The following CDC42BPB variants were observed in gnomAD, a reference collection of about 807,000 sequenced individuals.
CDC42BPB encodes the protein serine/threonine-protein kinase MRCK beta.
In CDC42BPB, 37 loss-of-function variants were observed where a neutral mutation model predicts 214.9. The observed-to-expected ratio is 0.17, with a 90% CI of 0.13 to 0.23. CDC42BPB has a LOEUF of 0.23. Among genes scored for constraint, CDC42BPB ranks in the 10% least tolerant of loss-of-function variants. The probability of loss-of-function intolerance (pLI) is 1.00; values close to 1 mark genes in which losing one functional copy is unlikely to be tolerated. For missense variants in CDC42BPB, 1,694 were observed against 2,227.0 expected, an observed-to-expected ratio of 0.76 and a Z score of 4.82; for synonymous variants, 931 against 884.0, an observed-to-expected ratio of 1.05 and a Z score of -0.94.
rs148057206 is a variant in CDC42BPB, at chr14:103,045,800, G to A, written c.175+11199C>T. ...GTCTCGCACACCTGGAAACCACAGC[G>A]GCGCATAATCACACTGCCACGAGCC... On this transcript the variant is annotated intron_variant, in intron 1 of 36. Coordinates refer to ENST00000361246, the MANE Select transcript of CDC42BPB (RefSeq NM_006035.4). 5.7e-3 allele frequency among the ~76,000 whole-genome samples: 865 copies of A among 152,226 alleles called. 4 individuals carry two copies. The highest frequency in any genetic ancestry group is 0.027 in the Middle Eastern group (8 of 294).
chr14:102,968,825 G>A (rs1041567293), intron 14 of CDC42BPB, 109 bp from the exon 15 acceptor site: 175 of 1,534,414 alleles, frequency 1.1e-4, no homozygotes, highest in Middle Eastern at 2.4e-4. Context: ...CCCAAGGACT[G>A]TGTGTGCCTG....
Position 102,952,480 on chromosome 14 carries a change from A to G in CDC42BPB, c.3172+18T>C, listed in dbSNP as rs1215496714. The G allele has an allele frequency of 1.3e-6, 2 of 1,541,402 alleles. No individual in the cohort carries two copies. The highest frequency in any genetic ancestry group is 2.3e-5 in the East Asian group (1 of 44,278). ...TGGGGCTGTGCACGCTGACCCCAGG[A>G]GCTGCAACGACACTCACCCTCGCAG... On this transcript the variant is annotated intron_variant, in intron 24 of 36. Coordinates refer to ENST00000361246, the MANE Select transcript of CDC42BPB (RefSeq NM_006035.4).
intron 5 of CDC42BPB, 81 bp from the exon 6 acceptor site, chr14:102,986,661 A>G (rs551392556): frequency 2.5e-5 from 39 of 1,543,230 alleles, no homozygotes; most frequent in Non-Finnish European, 3.3e-5. Context: ...AGTGGTGATC[A>G]GATGAATAAA....
rs373355764 is a variant in CDC42BPB, at chr14:102,998,237, A to C, written c.596+1328T>G. Among the ~76,000 whole-genome samples, 12 of 152,382 alleles carry C rather than the reference A, an allele frequency of 7.9e-5. 1 individual carries two copies. The highest frequency in any genetic ancestry group is 2.4e-4 in the African/African-American group (10 of 41,596). On this transcript the variant is annotated intron_variant, in intron 5 of 36. Transcript: ENST00000361246. ...AGAGAGAAAGAGGTAATTATGTAAA[A>C]GAGTTAAAATTTCAATTTCATAGAT... is the stretch of plus-strand genomic sequence containing the variant.
Position 102,943,908 on chromosome 14 carries a change from G to A in CDC42BPB, c.4391C>T (p.Ala1464Val). 1.9e-6 allele frequency: 3 copies of A among 1,608,582 alleles called. No individual in the cohort carries two copies. The highest frequency in any genetic ancestry group is 2.5e-6 in the Non-Finnish European group (3 of 1,177,770). Reference protein sequence around the residue: ...RARAQELMWPAAPVACSCSPT... With the variant: ...RARAQELMWPVAPVACSCSPT... ...ATACATACTACAGGCGACAGGAGCC[G>A]CAGGCCACATGAGCTCCTGCGCGCG... The change falls in exon 30 of 37, where the codon GCG (alanine) becomes GTG (valine). Residue 1464 changes from alanine to valine, a missense_variant. Coordinates refer to ENST00000361246, the MANE Select transcript of CDC42BPB (RefSeq NM_006035.4). The surrounding 1 kb of genome is among the most constrained non-coding windows in gnomAD (Gnocchi z 4.6).
Position 103,057,372 on chromosome 14 carries a change from G to GC in CDC42BPB, c.-200_-199insG. ...CGACGGCGCAGAGTCTGGGGCGCCG[G>GC]GCCCCGCGGGTCCATGGGCCGCTCT... On this transcript the variant is annotated 5_prime_UTR_variant, in exon 1 of 37. An upstream open reading frame in the 5' UTR loses its in-frame stop. Coordinates refer to ENST00000361246, the MANE Select transcript of CDC42BPB (RefSeq NM_006035.4). 2 of 978,618 alleles carry GC rather than the reference G, an allele frequency of 2.0e-6. No individual in the cohort carries two copies. The highest frequency in any genetic ancestry group is 2.4e-6 in the Non-Finnish European group (2 of 820,040). 60.6% of individuals were successfully genotyped at this position (978,618 alleles called of 1,614,324 possible).
intron 26 of CDC42BPB, among the ~76,000 whole-genome samples, chr14:102,949,180 A>G (rs1369969153): frequency 6.6e-6 from 1 of 152,190 alleles, no homozygotes; most frequent in African/African-American, 2.4e-5. Context: ...TCACAACAAC[A>G]TTCCACATGC....
chr14:103,029,782 C>G (rs1887255714), intron 1 of CDC42BPB, among the ~76,000 whole-genome samples: 1 of 148,456 alleles, frequency 6.7e-6, no homozygotes, highest in African/African-American at 2.5e-5. Flanking sequence ...TTGCTTGAAC[C>G]CAGGAGGCGG....
At chr14:103,044,255 TCTCA>T (rs1888166316) in intron 1 of CDC42BPB, among the ~76,000 whole-genome samples, 2 of 151,954 alleles carry the variant, frequency 1.3e-5, no homozygotes, top group Non-Finnish European at 1.5e-5. Flanking sequence ...GGAGACAGAG[TCTCA>T]CTCTGTCGCC....
At position 102,933,580 on chromosome 14, in the gene CDC42BPB, T is replaced by G; in HGVS notation, c.*132A>C. On this transcript the variant is annotated 3_prime_UTR_variant, in exon 37 of 37. Coordinates refer to ENST00000361246, the MANE Select transcript of CDC42BPB (RefSeq NM_006035.4). The stretch of plus-strand genomic sequence containing the variant: ...AACTGATCAATATTATAATAAAGAT[T>G]TGTCTTCTTCATCTCCATATCTACA... 1.4e-6 allele frequency: 1 copy of G among 701,532 alleles called. No individual in the cohort carries two copies. Among genetic ancestry groups the G allele is most frequent in the Non-Finnish European group, 2.1e-6 (1 of 470,202 alleles). 43.5% of individuals were successfully genotyped at this position (701,532 alleles called of 1,614,324 possible).
intron 1 of CDC42BPB, among the ~76,000 whole-genome samples, chr14:103,040,523 A>G (rs777364947): frequency 7.9e-5 from 12 of 151,626 alleles, no homozygotes; most frequent in Non-Finnish European, 1.6e-4. Context: ...CAGTGGCGTG[A>G]TCTCGACTCA....
intron 1 of CDC42BPB, among the ~76,000 whole-genome samples, chr14:103,054,070 G>A (rs1269210111): frequency 6.6e-6 from 1 of 152,072 alleles, no homozygotes; most frequent in Non-Finnish European, 1.5e-5. Context: ...TTGTCAGGTT[G>A]CTCAGGCTGG....
At chr14:103,014,082 C>A (rs544872116) in intron 1 of CDC42BPB, among the ~76,000 whole-genome samples, 6 of 149,978 alleles carry the variant, frequency 4.0e-5, no homozygotes, top group Non-Finnish European at 8.8e-5. Context: ...AGGAGAATGG[C>A]GTGAACCTGG....
At chr14:102,965,609 T>C (rs1893166552) in intron 18 of CDC42BPB, among the ~76,000 whole-genome samples, 1 of 152,100 alleles carries the variant, frequency 6.6e-6, no homozygotes, top group Non-Finnish European at 1.5e-5. Context: ...AACCTTTCAT[T>C]GAACACAATT....
Position 102,959,643 on chromosome 14 carries a change from G to T in CDC42BPB, c.2889C>A (p.Asp963Glu). Residue 963 changes from aspartate to glutamate, a missense_variant, in exon 21 of 37, where the codon GAC (aspartate) becomes GAA (glutamate). Coordinates refer to ENST00000361246, the MANE Select transcript of CDC42BPB (RefSeq NM_006035.4). ...AACAATGACTTACTCTAAATGTCAGGTCATGTGCAAGAGGAGCAGTGTTGA... is the reference window on the plus strand; with the variant it reads ...AACAATGACTTACTCTAAATGTCAGTTCATGTGCAAGAGGAGCAGTGTTGA... ...EYFNTAPLAH[D>E]LTFRTSSASE... The T allele has an allele frequency of 6.2e-7, 1 of 1,604,256 alleles. No homozygotes were observed. The highest frequency in any genetic ancestry group is 8.5e-7 in the Non-Finnish European group (1 of 1,174,030).
chr14:102,936,203 G>C (rs1160494872), intron 36 of CDC42BPB, among the ~76,000 whole-genome samples: 1 of 152,144 alleles, frequency 6.6e-6, no homozygotes, highest in Non-Finnish European at 1.5e-5. Flanking sequence ...TCCTCAAAAA[G>C]TTAAACATAG....
intron 18 of CDC42BPB, among the ~76,000 whole-genome samples, chr14:102,965,297 A>G (rs1032263204): frequency 6.7e-6 from 1 of 149,928 alleles, no homozygotes; most frequent in African/African-American, 2.5e-5. Flanking sequence ...AAGGTACATT[A>G]TAGGGTTCGG....
chr14:103,041,325 A>C, intron 1 of CDC42BPB: 1 of 451,078 alleles, frequency 2.2e-6, no homozygotes, highest in Non-Finnish European at 4.0e-6. Context: ...AAAAACTCTT[A>C]GAAGAAAACA....
At chr14:103,031,415 T>C (rs193222380) in intron 1 of CDC42BPB, among the ~76,000 whole-genome samples, 13 of 152,326 alleles carry the variant, frequency 8.5e-5, no homozygotes, top group South Asian at 2.1e-4. Context: ...AATAAAACTT[T>C]ACGGCAAAGT....
Sources: gnomAD v4.1 joint callset for allele counts (sites outside exome capture counted in the v4.1 genomes callset) on GRCh38, gnomAD v4.1.1 for gene constraint, Gnocchi (gnomAD v3.1) non-coding constraint, MANE v1.5 for transcripts, NCBI Gene and HGNC (gene_info 2026-07-23, HGNC 2026-07-21) for gene names.